ITPR2: variants seen among roughly 807,000 people sequenced by gnomAD.
The protein encoded by ITPR2 is inositol 1,4,5-trisphosphate receptor type 2.
In ITPR2, 207 loss-of-function variants were observed where a neutral mutation model predicts 317.1. The observed-to-expected ratio is 0.65, with a 90% CI of 0.58 to 0.73. The LOEUF (loss-of-function observed/expected upper bound fraction) is 0.73. Among genes scored for constraint, ITPR2 ranks in the 30% least tolerant of loss-of-function variants. The pLI is 0.00. For missense variants in ITPR2, 2,613 were observed against 3,284.0 expected, an observed-to-expected ratio of 0.80 and a Z score of 4.99; for synonymous variants, 1,156 against 1,149.1, an observed-to-expected ratio of 1.01 and a Z score of -0.12.
At position 26,364,033 on chromosome 12, in the gene ITPR2, G is replaced by A. The variant is rs372955726; in HGVS notation, c.7857+23401C>T. Among the ~76,000 whole-genome samples, 13 of 152,304 alleles carry A rather than the reference G, an allele frequency of 8.5e-5. No individual in the cohort carries two copies. In the East Asian group the frequency reaches 2.3e-3, roughly 27 times the overall value. ...GGAATGAGGCTGAACTAGCTTATGT[G>A]TCTGGCACTCTCCCGTGGATATTTG... On this transcript the variant is annotated intron_variant, in intron 55 of 56. Transcript: ENST00000381340.
chr12:26,724,865 A>C (rs992487568), intron 3 of ITPR2, 123 bp from the exon 4 acceptor site: 2 of 595,054 alleles, frequency 3.4e-6, no homozygotes, highest in African/African-American at 3.8e-5. Flanking sequence ...TAGTAGAGTC[A>C]GGACTGTAAT....
chr12:26,662,750 A>G (rs752951489), intron 15 of ITPR2, among the ~76,000 whole-genome samples: 1 of 152,070 alleles, frequency 6.6e-6, no homozygotes, highest in Non-Finnish European at 1.5e-5. Flanking sequence ...ATAACTCACT[A>G]CAGCCTCGAA....
chr12:26,644,812 ACCTCCTAG>A (rs1176154407), intron 21 of ITPR2, among the ~76,000 whole-genome samples: 1 of 152,036 alleles, frequency 6.6e-6, no homozygotes, highest in Non-Finnish European at 1.5e-5. Context: ...ATGATCTTGG[ACCTCCTAG>A]CCTCCTGAAC....
rs1221107802 is a variant in ITPR2 at position 26,526,511 on chromosome 12, G to T, written c.5073+23736C>A. Among the ~76,000 whole-genome samples, 6 of 152,238 alleles carry T rather than the reference G, an allele frequency of 3.9e-5. No individual in the cohort carries two copies. In the South Asian group the frequency reaches 8.3e-4, roughly 21 times the overall value. On this transcript the variant is annotated intron_variant, in intron 37 of 56. Coordinates refer to ENST00000381340, the MANE Select transcript of ITPR2 (RefSeq NM_002223.4). The stretch of plus-strand genomic sequence containing the variant: ...GATGGCCCAAGTTGTGTTGTGCAGG[G>T]TCCTACTAATTTTGGTAAGAAATGT...
intron 32 of ITPR2, among the ~76,000 whole-genome samples, chr12:26,589,257 T>C (rs1945622889): frequency 6.6e-6 from 1 of 152,176 alleles, no homozygotes; most frequent in Admixed American, 6.5e-5. Context: ...AGCACCAGTT[T>C]ATTAAAAATA....
intron 37 of ITPR2, among the ~76,000 whole-genome samples, chr12:26,496,333 T>C (rs1942931008): frequency 6.6e-6 from 1 of 152,214 alleles, no homozygotes; most frequent in South Asian, 2.1e-4. Context: ...CCAACCTTCA[T>C]GCTGTGACAT....
intron 32 of ITPR2, among the ~76,000 whole-genome samples, chr12:26,587,797 G>T (rs1210740624): frequency 6.8e-6 from 1 of 146,074 alleles, no homozygotes; most frequent in African/African-American, 2.5e-5. Flanking sequence ...GCTAGATAAA[G>T]AATAGATGGA....
intron 45 of ITPR2, among the ~76,000 whole-genome samples, chr12:26,470,738 C>T (rs945414505): frequency 6.6e-6 from 1 of 152,078 alleles, no homozygotes; most frequent in Non-Finnish European, 1.5e-5. Flanking sequence ...CTGTGGAAAA[C>T]AATTTTACAA....
Position 26,832,927 on chromosome 12 carries a change from G to A in ITPR2, c.-146C>T. ...GGCGGAGGGCACGGCCCGAGCCACT[G>A]AGCGTCGCGGCTCAGCCGTGCGTGC... On this transcript the variant is annotated 5_prime_UTR_variant, in exon 1 of 57. Transcript: ENST00000381340. The A allele has an allele frequency of 1.6e-6, 1 of 644,380 alleles. No individual in the cohort carries two copies. The highest frequency in any genetic ancestry group is 2.7e-6 in the Non-Finnish European group (1 of 376,602). 39.9% of individuals were successfully genotyped at this position (644,380 alleles called of 1,614,324 possible). A position where few individuals can be genotyped will look rare whatever the true frequency, so the allele number is the denominator to read the frequency against.
intron 2 of ITPR2, among the ~76,000 whole-genome samples, chr12:26,731,995 A>G (rs959151243): frequency 1.3e-5 from 2 of 151,360 alleles, no homozygotes; most frequent in African/African-American, 2.4e-5. Context: ...TGTTTTAAGA[A>G]CACAAATTTC....
chr12:26,737,036 T>C (rs1356799965), intron 2 of ITPR2, among the ~76,000 whole-genome samples: 3 of 152,132 alleles, frequency 2.0e-5, no homozygotes, highest in African/African-American at 7.2e-5. Flanking sequence ...GGAAAGTTTT[T>C]CCCTATATTG....
intron 1 of ITPR2, among the ~76,000 whole-genome samples, chr12:26,795,544 A>G (rs1447871466): frequency 2.0e-5 from 3 of 152,220 alleles, no homozygotes; most frequent in Non-Finnish European, 4.4e-5. Context: ...AGGACAATAT[A>G]GACAATATAA....
At chr12:26,439,542 G>A (rs1745475152) in intron 46 of ITPR2, among the ~76,000 whole-genome samples, 1 of 152,074 alleles carries the variant, frequency 6.6e-6, no homozygotes, top group Non-Finnish European at 1.5e-5. Flanking sequence ...ACTATACTTT[G>A]CTTAAAATAA....
At chr12:26,390,118 G>A (rs138783607) in intron 54 of ITPR2, among the ~76,000 whole-genome samples, 19 of 152,332 alleles carry the variant, frequency 1.2e-4, no homozygotes, top group Non-Finnish European at 2.5e-4. Context: ...AAGTGTTGGT[G>A]AAGATGTAGA....
intron 23 of ITPR2, among the ~76,000 whole-genome samples, chr12:26,625,300 G>C (rs947280651): frequency 2.0e-5 from 3 of 152,050 alleles, no homozygotes; most frequent in African/African-American, 4.8e-5. Flanking sequence ...ATAATAATTT[G>C]TTGTACATTT....
Position 26,681,935 on chromosome 12 carries a change from T to C in ITPR2, c.1348A>G (p.Lys450Glu). 6.2e-7 allele frequency: 1 copy of C among 1,613,728 alleles called. No individual in the cohort carries two copies. Among genetic ancestry groups the C allele is most frequent in the Non-Finnish European group, 8.5e-7 (1 of 1,179,680 alleles). The change falls in exon 13 of 57, where the codon AAA (lysine) becomes GAA (glutamate). Residue 450 changes from lysine to glutamate, a missense_variant. By Grantham distance (56) the Lys-to-Glu change is moderately conservative. This residue lies in a region of ITPR2 where 515 missense variants were observed against 789.4 expected (regional missense o/e 0.65). Transcript: ENST00000381340. ...TTTTTAACTGTGGTCGCTAGTACTT[T>C]ATTGGCATCATTGGCAAAGTCTAAG... ...RDLDFANDAN[K>E]VLATTVKKLE...
intron 21 of ITPR2, among the ~76,000 whole-genome samples, chr12:26,641,986 A>G (rs1484688616): frequency 1.3e-5 from 2 of 152,226 alleles, no homozygotes; most frequent in East Asian, 3.8e-4. Flanking sequence ...ACATTAAGCC[A>G]GAAAGGGCTT....
chr12:26,474,793 C>A (rs78178490), intron 45 of ITPR2, among the ~76,000 whole-genome samples: 757 of 83,780 alleles, frequency 9.0e-3, no homozygotes, highest in African/African-American at 0.022. Context: ...GACTCCGTCT[C>A]AAAAAAAAAA....
chr12:26,338,086 C>T lies in ITPR2; in HGVS notation c.*1311G>A, dbSNP rs532646981. ...TCCTGTGGGGGAGAGGCCAGGTCAACTTGCAGAGTATCTCCCAGAGTCTGG... is the reference window on the plus strand; with the variant it reads ...TCCTGTGGGGGAGAGGCCAGGTCAATTTGCAGAGTATCTCCCAGAGTCTGG... On this transcript the variant is annotated 3_prime_UTR_variant, in exon 57 of 57. Coordinates refer to ENST00000381340, the MANE Select transcript of ITPR2 (RefSeq NM_002223.4). The T allele has an allele frequency of 6.6e-5, 10 of 152,198 alleles. No individual in the cohort carries two copies. The highest frequency in any genetic ancestry group is 1.3e-4 in the Non-Finnish European group (9 of 68,038). The allele number at this position is 152,198 out of a possible 1,614,324, so 9.4% of individuals were successfully genotyped here.
Sources: allele counts gnomAD v4.1 joint callset (sites outside exome capture counted in the v4.1 genomes callset), GRCh38; gene constraint gnomAD v4.1.1; regional missense constraint gnomAD v4.1.1; transcripts MANE v1.5; gene names NCBI Gene and HGNC (gene_info 2026-07-23, HGNC 2026-07-21).